The following TMEM62 variants were observed in gnomAD, a reference collection of about 807,000 sequenced individuals.
TMEM62 encodes transmembrane protein 62.
TMEM62 carries 41 observed loss-of-function variants against 70.4 expected under a neutral mutation model. The ratio of observed to expected loss-of-function variants is 0.58; its 90% CI spans 0.45 to 0.76. The LOEUF (loss-of-function observed/expected upper bound fraction) is 0.76, where lower values mean the gene tolerates loss of function less well. Ranked by LOEUF, TMEM62 falls within the 30% of genes least tolerant of loss-of-function variation. The pLI, the probability that TMEM62 is intolerant of heterozygous loss-of-function variation, is 0.00. For synonymous variants in TMEM62, 268 were observed against 291.0 expected (o/e 0.92, Z 0.80); for missense variants, 688 against 788.5 (o/e 0.87, Z 1.53).
chr15:43,141,295 A>G (rs1434087913), intron 4 of TMEM62, among the ~76,000 whole-genome samples: 5 of 152,206 alleles, frequency 3.3e-5, no homozygotes, highest in African/African-American at 1.2e-4. Context: ...AGTGGAGCCA[A>G]TGCCCACTTA....
chr15:43,139,804 A>G (rs2035743853), intron 4 of TMEM62, among the ~76,000 whole-genome samples: 1 of 152,222 alleles, frequency 6.6e-6, no homozygotes, highest in African/African-American at 2.4e-5. Context: ...AGTTTGGTTC[A>G]TGAGGTTTAA....
chr15:43,135,747 C>T, intron 3 of TMEM62, 98 bp downstream of exon 3: 1 of 1,353,474 alleles, frequency 7.4e-7, no homozygotes, highest in Non-Finnish European at 9.8e-7. Flanking sequence ...TAAAGTGGGA[C>T]ATTTACATAT....
rs750984020 is a variant in TMEM62 at position 43,146,532 on chromosome 15, T to C, written c.516T>C (p.Tyr172=). The C allele has an allele frequency of 6.2e-7, 1 of 1,613,614 alleles. No homozygotes were observed. Among genetic ancestry groups the C allele is most frequent in the South Asian group, 1.1e-5 (1 of 91,006 alleles). ...TACGTAGAGATGGCTCTTTCCATTA[T>C]GTCCACAGTACTCCCTTTGGCAACT... The part of the protein sequence containing the change: ...SAVRRDGSFH[Y]VHSTPFGNYS... Residue 172 remains tyrosine (Y), a synonymous_variant, in exon 5 of 14, where the codon TAT becomes TAC. Transcript: ENST00000260403.
intron 12 of TMEM62, 93 bp from the exon 13 acceptor site, chr15:43,181,086 ATC>A (rs1212720322): frequency 8.4e-6 from 7 of 829,420 alleles, no homozygotes; most frequent in African/African-American, 1.7e-5. Flanking sequence ...CTAGTCTCAT[ATC>A]TCTGCTTTAT....
In TMEM62 at chr15:43,159,981, GT is replaced by G. The variant is rs560938758; in HGVS notation, c.1183-693del. ...ATTATAGGTTTTAATCTCTTTTTTTGTTTTTTTGACAGAGTCTCACTCTGTC... is the reference window on the plus strand; with the variant it reads ...ATTATAGGTTTTAATCTCTTTTTTTGTTTTTTGACAGAGTCTCACTCTGTC... On this transcript the variant is annotated intron_variant, in intron 9 of 13. Coordinates refer to ENST00000260403, the MANE Select transcript of TMEM62 (RefSeq NM_024956.4). 2.0e-3 allele frequency among the ~76,000 whole-genome samples: 297 copies of G among 151,490 alleles called. 2 individuals are homozygous for G. Among genetic ancestry groups the G allele is most frequent in the African/African-American group, 6.7e-3 (277 of 41,312 alleles).
chr15:43,148,035 T>C (rs1384285268), intron 5 of TMEM62, among the ~76,000 whole-genome samples: 1 of 152,210 alleles, frequency 6.6e-6, no homozygotes. Context: ...TTGACAAATG[T>C]ATATATTGGT....
At position 43,184,344 on chromosome 15, in the gene TMEM62, C is replaced by T. The variant is rs746987213; in HGVS notation, c.1690C>T (p.Leu564Phe). ...RCFGHNFRSHLHQRKYLKIMP... is the reference protein window; with the variant it reads ...RCFGHNFRSHFHQRKYLKIMP... ...CTTTGGTCACAACTTCAGGTCTCAT[C>T]TCCATCAAAGAAAATACTTGAAAAT... The change falls in exon 14 of 14, where the codon CTC becomes TTC. Residue 564 changes from leucine (L) to phenylalanine (F), a missense_variant. Transcript: ENST00000260403. The T allele has an allele frequency of 2.5e-6, 4 of 1,614,096 alleles. No homozygotes were observed. Among genetic ancestry groups the T allele is most frequent in the Admixed American group, 1.7e-5 (1 of 60,006 alleles).
At chr15:43,136,385 T>C (rs1265826620) in intron 3 of TMEM62, among the ~76,000 whole-genome samples, 1 of 152,200 alleles carries the variant, frequency 6.6e-6, no homozygotes, top group Non-Finnish European at 1.5e-5. Flanking sequence ...AGGATGAATT[T>C]TACTGTGTGC....
chr15:43,146,912 G>A (rs2036742420), intron 5 of TMEM62, among the ~76,000 whole-genome samples: 1 of 152,180 alleles, frequency 6.6e-6, no homozygotes, highest in Admixed American at 6.5e-5. Context: ...GCAAGTTACA[G>A]GACATACAGC....
At chr15:43,154,115 G>T (rs1036350438) in intron 8 of TMEM62, among the ~76,000 whole-genome samples, 1 of 152,098 alleles carries the variant, frequency 6.6e-6, no homozygotes, top group African/African-American at 2.4e-5. Context: ...GTACCAAGAT[G>T]TTTACATTTA....
At chr15:43,140,733 C>A (rs771001670) in intron 4 of TMEM62, among the ~76,000 whole-genome samples, 1 of 152,136 alleles carries the variant, frequency 6.6e-6, no homozygotes, top group African/African-American at 2.4e-5. Context: ...GAAACTCTGC[C>A]GGAAGAGCTG....
At chr15:43,169,850 G>A (rs1272755519) in intron 11 of TMEM62, 173 bp downstream of exon 11, 4 of 548,462 alleles carry the variant, frequency 7.3e-6, no homozygotes, top group Non-Finnish European at 1.3e-5. Flanking sequence ...TTACAGTTGG[G>A]ATTTATACAT....
intron 11 of TMEM62, among the ~76,000 whole-genome samples, chr15:43,176,228 C>T (rs997789538): frequency 8.5e-5 from 13 of 152,250 alleles, no homozygotes; most frequent in Admixed American, 8.5e-4. Flanking sequence ...GGCCTGCCTG[C>T]CTCTGTAGGC....
chr15:43,171,624 T>G lies in TMEM62; in HGVS notation c.1381+1947T>G, dbSNP rs1184099028. 9.4e-3 allele frequency among the ~76,000 whole-genome samples: 1,389 copies of G among 147,216 alleles called. 24 individuals are homozygous for G. Among genetic ancestry groups the G allele is most frequent in the African/African-American group, 0.033 (1,337 of 40,010 alleles). On this transcript the variant is annotated intron_variant, in intron 11 of 13. Coordinates refer to ENST00000260403, the MANE Select transcript of TMEM62 (RefSeq NM_024956.4). The stretch of plus-strand genomic sequence containing the variant: ...TCATATTAATAAAAACTTTTTTTTT[T>G]TTTTTTTTTTTGTGTGTGTGTGACC...
At chr15:43,183,694 C>T (rs756731669) in intron 13 of TMEM62, among the ~76,000 whole-genome samples, 1 of 151,646 alleles carries the variant, frequency 6.6e-6, no homozygotes, top group African/African-American at 2.4e-5. Context: ...AGCTCTATGA[C>T]GGACCTTTTC....
At chr15:43,138,881 G>C (rs1214816419) in intron 4 of TMEM62, among the ~76,000 whole-genome samples, 2 of 152,158 alleles carry the variant, frequency 1.3e-5, no homozygotes, top group African/African-American at 4.8e-5. Context: ...AGAATCTCTA[G>C]TAATTTAAAA....
At chr15:43,161,922 A>G (rs2038752973) in intron 10 of TMEM62, among the ~76,000 whole-genome samples, 1 of 151,944 alleles carries the variant, frequency 6.6e-6, no homozygotes, top group African/African-American at 2.4e-5. Flanking sequence ...TCAGCCTCCC[A>G]AAGTGCTGGG....
At chr15:43,180,376 G>A (rs2041216327) in intron 12 of TMEM62, among the ~76,000 whole-genome samples, 2 of 152,200 alleles carry the variant, frequency 1.3e-5, no homozygotes, top group Non-Finnish European at 2.9e-5. Flanking sequence ...GCCGGCCTTG[G>A]CCTCCCAAAG....
Position 43,154,785 on chromosome 15 carries a change from C to T in TMEM62, c.1136C>T (p.Pro379Leu), listed in dbSNP as rs1202707401. The T allele has an allele frequency of 6.2e-7, 1 of 1,613,580 alleles. No homozygotes were observed. The highest frequency in any genetic ancestry group is 8.5e-7 in the Non-Finnish European group (1 of 1,179,790). The change falls in exon 9 of 14, where the codon CCT becomes CTT. Residue 379 changes from proline (P) to leucine (L), a missense_variant. Transcript: ENST00000260403. ...CCCATTTTCGTACTGAAGTGGAATC[C>T]TAGAAACTACAGTAGTGGGACACAT... is the stretch of plus-strand genomic sequence containing the variant. ...SGPIFVLKWN[P>L]RNYSSGTHNI...
Sources: allele counts gnomAD v4.1 joint callset (sites outside exome capture counted in the v4.1 genomes callset), GRCh38; gene constraint gnomAD v4.1.1; transcripts MANE v1.5; gene names NCBI Gene and HGNC (gene_info 2026-07-23, HGNC 2026-07-21).